The following ADGRG2 variants were observed in gnomAD, a reference collection of about 807,000 sequenced individuals.
ADGRG2 encodes the protein adhesion G protein-coupled receptor G2, also known as G protein-coupled receptor 64.
ADGRG2 carries 26 observed loss-of-function variants against 74.1 expected under a neutral mutation model. That is an observed-to-expected ratio of 0.35 (90% CI 0.26 to 0.49). The LOEUF is 0.49. ADGRG2 is among the 20% of genes least tolerant of loss of function. The pLI is 0.99. For synonymous variants in ADGRG2, 296 were observed against 295.2 expected, an observed-to-expected ratio of 1.00 and a Z score of -0.03; for missense variants, 619 against 763.1, an observed-to-expected ratio of 0.81 and a Z score of 2.22.
intron 1 of ADGRG2, among the ~76,000 whole-genome samples, chrX:19,083,954 A>G (rs930551676): frequency 6.2e-5 from 7 of 112,430 alleles, no homozygotes; most frequent in Non-Finnish European, 5.6e-5. Flanking sequence ...ATTACTGGGT[A>G]TATACCCAAA....
At chrX:19,120,362 A>T (rs996414924) in intron 1 of ADGRG2, among the ~76,000 whole-genome samples, 1 of 112,261 alleles carries the variant, frequency 8.9e-6, no homozygotes, top group Non-Finnish European at 1.9e-5. Flanking sequence ...TTGTCAATAA[A>T]CTTACAAAAT....
At chrX:19,060,118 C>T (rs1440837325) in intron 3 of ADGRG2, among the ~76,000 whole-genome samples, 1 of 111,382 alleles carries the variant, frequency 9.0e-6, no homozygotes, top group Non-Finnish European at 1.9e-5. Context: ...GACAACACAG[C>T]GAGACTCTGT....
intron 1 of ADGRG2, among the ~76,000 whole-genome samples, chrX:19,090,550 A>G (rs186816705): frequency 7.1e-5 from 8 of 112,377 alleles, no homozygotes; most frequent in African/African-American, 2.6e-4. Flanking sequence ...TATACAAATA[A>G]GAGAAAATCA....
At chrX:19,083,530 CT>C (rs2061889022) in intron 1 of ADGRG2, among the ~76,000 whole-genome samples, 1 of 110,689 alleles carries the variant, frequency 9.0e-6, no homozygotes, top group Admixed American at 9.7e-5. Flanking sequence ...GCATTTAGGT[CT>C]CTTGTGCCAG....
intron 26 of ADGRG2, 72 bp from the exon 27 acceptor site, chrX:18,996,224 A>AAGAT (rs2060015580): frequency 5.7e-6 from 3 of 528,566 alleles, no homozygotes; most frequent in Non-Finnish European, 9.9e-6. Flanking sequence ...CTTTGCACAA[A>AAGAT]AGATATTAAT....
At chrX:19,062,729 G>T (rs1351909943) in intron 3 of ADGRG2, among the ~76,000 whole-genome samples, 1 of 110,809 alleles carries the variant, frequency 9.0e-6, no homozygotes, top group Non-Finnish European at 1.9e-5. Context: ...CAGCAAGAGA[G>T]GATAGGAGGA....
Position 18,989,336 on chromosome X carries a change from T to C in ADGRG2, c.*1528A>G, listed in dbSNP as rs761696338. 25 of 110,987 alleles carry C rather than the reference T, an allele frequency of 2.3e-4. 1 individual carries two copies. The Admixed American group carries it at 2.3e-3, about 10-fold the overall frequency. The allele number at this position is 110,987 out of a possible 1,213,427, so 9.1% of individuals were successfully genotyped here. The stretch of plus-strand genomic sequence containing the variant: ...AGATCTTAACTGCAAATTTATTTCA[T>C]TGATTTTAACATTTTTGATTTTAAC... On this transcript the variant is annotated 3_prime_UTR_variant, in exon 29 of 29. Coordinates refer to ENST00000379869, the MANE Select transcript of ADGRG2 (RefSeq NM_001079858.3).
At position 19,005,983 on chromosome X, in the gene ADGRG2, C is replaced by G. The variant is rs200644890; in HGVS notation, c.1839+19G>C. On this transcript the variant is annotated intron_variant, in intron 22 of 28. Transcript: ENST00000379869. Reference sequence around the variant, plus strand: ...CCCTCAGACTCAGAATTTAAGGCCACGTGGCACAGGCATATTACCAGCAGA... The same window carrying G: ...CCCTCAGACTCAGAATTTAAGGCCAGGTGGCACAGGCATATTACCAGCAGA... The G allele has an allele frequency of 9.4e-7, 1 of 1,069,506 alleles. No homozygotes were observed. Among genetic ancestry groups the G allele is most frequent in the Non-Finnish European group, 1.3e-6 (1 of 767,826 alleles). 88.1% of individuals were successfully genotyped at this position (1,069,506 alleles called of 1,213,427 possible).
chrX:19,047,125 C>T (rs1260867626), intron 3 of ADGRG2, among the ~76,000 whole-genome samples: 1 of 111,774 alleles, frequency 8.9e-6, no homozygotes, highest in Non-Finnish European at 1.9e-5. Flanking sequence ...TTATAGCTGC[C>T]GATCACAGCA....
Position 19,097,331 on chromosome X carries a change from G to A in ADGRG2, c.-46-14585C>T, listed in dbSNP as rs375785857. Among the ~76,000 whole-genome samples, 463 of 112,466 alleles carry A rather than the reference G, an allele frequency of 4.1e-3. 1 individual carries two copies. The highest frequency in any genetic ancestry group is 0.014 in the African/African-American group (426 of 30,973). The stretch of plus-strand genomic sequence containing the variant: ...GTTCGAGACCAGCCTGGCCAACATG[G>A]CAAAACCCCATCTCTACTAAAATAC... On this transcript the variant is annotated intron_variant, in intron 1 of 28. Transcript: ENST00000379869.
chrX:19,032,844 C>T (rs916296274), intron 8 of ADGRG2: 1 of 112,086 alleles, frequency 8.9e-6, no homozygotes, highest in Admixed American at 9.5e-5. Context: ...AGTTTGCCAA[C>T]CGCTACTTGA....
chrX:19,083,698 A>G (rs772994631), intron 1 of ADGRG2, among the ~76,000 whole-genome samples: 1 of 112,344 alleles, frequency 8.9e-6, no homozygotes, highest in East Asian at 2.8e-4. Context: ...GGCAGAGAGC[A>G]TTGCTGACGA....
chrX:19,088,738 G>A (rs781077627), intron 1 of ADGRG2, among the ~76,000 whole-genome samples: 2 of 111,397 alleles, frequency 1.8e-5, no homozygotes, highest in South Asian at 7.6e-4. Flanking sequence ...CCAAAGTCCT[G>A]AGATTACAGG....
At chrX:19,024,668 C>T (rs932769141) in intron 11 of ADGRG2, among the ~76,000 whole-genome samples, 4 of 112,236 alleles carry the variant, frequency 3.6e-5, no homozygotes, top group African/African-American at 1.3e-4. Context: ...TGCTGTTAAA[C>T]ACCTTACAAT....
chrX:19,063,407 G>A (rs777817864), intron 3 of ADGRG2, among the ~76,000 whole-genome samples: 1 of 112,407 alleles, frequency 8.9e-6, no homozygotes, highest in Non-Finnish European at 1.9e-5. Context: ...GCCTGGTGTC[G>A]TGTGAGTAGT....
intron 2 of ADGRG2, among the ~76,000 whole-genome samples, chrX:19,080,574 T>C (rs887737236): frequency 2.7e-5 from 3 of 111,499 alleles, no homozygotes; most frequent in Admixed American, 9.6e-5. Flanking sequence ...CAGGGTTCTG[T>C]GGGGATTAAA....
intron 1 of ADGRG2, among the ~76,000 whole-genome samples, chrX:19,095,407 G>C (rs1050122046): frequency 9.0e-5 from 10 of 110,903 alleles, no homozygotes; most frequent in African/African-American, 3.3e-4. Context: ...CGCAGGGAAG[G>C]CAGTGTGATG....
Position 19,007,340 on chromosome X carries a change from G to A in ADGRG2, c.1584C>T (p.Asn528=), listed in dbSNP as rs1043999381. Reference sequence around the variant, plus strand: ...ATATGACGTAGCTGATCAGAGAGAGGTTCTCCAGGGAAGGATCCTGGCACA... The same window carrying A: ...ATATGACGTAGCTGATCAGAGAGAGATTCTCCAGGGAAGGATCCTGGCACA... ...PALFQDPSLE[N]LSLISYVISS... is the part of the protein sequence containing the mutation. The change falls in exon 20 of 29, where the codon AAC becomes AAT. Residue 528 remains asparagine, a synonymous_variant. Transcript: ENST00000379869. The A allele has an allele frequency of 8.3e-6, 10 of 1,206,572 alleles. No individual in the cohort carries two copies. In the Admixed American group the frequency reaches 1.3e-4, roughly 16 times the overall value.
chrX:19,102,248 A>T (rs1293508230), intron 1 of ADGRG2, among the ~76,000 whole-genome samples: 1 of 110,087 alleles, frequency 9.1e-6, no homozygotes, highest in Non-Finnish European at 1.9e-5. Flanking sequence ...TGTCTTTCAC[A>T]TCACTCATAG....
Sources: gnomAD v4.1 joint callset for allele counts (sites outside exome capture counted in the v4.1 genomes callset) on GRCh38, gnomAD v4.1.1 for gene constraint, MANE v1.5 for transcripts, NCBI Gene and HGNC (gene_info 2026-07-23, HGNC 2026-07-21) for gene names.